NUP107: variants seen among roughly 807,000 people sequenced by gnomAD.
NUP107 encodes the protein nucleoporin 107, also known as nuclear pore complex protein Nup107.
NUP107 carries 101 observed loss-of-function variants against 141.0 expected under a neutral mutation model. That is an observed-to-expected ratio of 0.72 (90% confidence interval 0.61 to 0.84). The LOEUF is 0.84. Ranked by LOEUF, NUP107 falls within the 40% of genes least tolerant of loss-of-function variation. The probability of loss-of-function intolerance (pLI) is 0.00; values close to 1 mark genes in which losing one functional copy is unlikely to be tolerated. For missense variants in NUP107, 941 were observed against 1,102.7 expected (o/e 0.85, Z 2.08); for synonymous variants, 319 against 363.9 (o/e 0.88, Z 1.41).
chr12:68,693,267 A>G (rs1875903799), intron 5 of NUP107, among the ~76,000 whole-genome samples: 1 of 151,386 alleles, frequency 6.6e-6, no homozygotes, highest in East Asian at 2.0e-4. Context: ...TAGTAGAGAG[A>G]GGTTTCACCA....
intron 12 of NUP107, among the ~76,000 whole-genome samples, chr12:68,717,006 T>C (rs1199698398): frequency 1.3e-5 from 2 of 152,030 alleles, no homozygotes; most frequent in African/African-American, 4.8e-5. Context: ...CAAGCAATTC[T>C]CCTGCCTCAG....
rs1876092554 is a variant in NUP107, at chr12:68,696,910, CT to C, written c.541del (p.Cys181ValfsTer5). ...ATCTTGTGGAAGAGTATGAAAACAT[CT>C]GTGGTAGTCAGGTAAGCTAATTTCA... ...FDLVEEYENI[C>X]GSQVNILSKI... is the part of the protein sequence containing the mutation. On this transcript the variant is annotated frameshift_variant, in exon 6 of 28. Transcript: ENST00000229179. LOFTEE classifies it high-confidence loss of function. 6.3e-7 allele frequency: 1 copy of C among 1,591,910 alleles called. No homozygotes were observed. The highest frequency in any genetic ancestry group is 8.6e-7 in the Non-Finnish European group (1 of 1,165,456).
At chr12:68,692,621 G>A (rs1192994179) in intron 5 of NUP107, among the ~76,000 whole-genome samples, 2 of 150,566 alleles carry the variant, frequency 1.3e-5, no homozygotes, top group Non-Finnish European at 3.0e-5. Flanking sequence ...TGTCACCCAG[G>A]CTAAATGCAG....
intron 8 of NUP107, among the ~76,000 whole-genome samples, chr12:68,708,244 T>A (rs1175871023): frequency 6.6e-6 from 1 of 152,112 alleles, no homozygotes; most frequent in Admixed American, 6.5e-5. Context: ...TTTCAGTTAG[T>A]CTAACTTATG....
intron 8 of NUP107, among the ~76,000 whole-genome samples, chr12:68,707,279 T>C (rs1460526829): frequency 6.6e-6 from 1 of 151,214 alleles, no homozygotes; most frequent in African/African-American, 2.4e-5. Flanking sequence ...AAATAAAACC[T>C]CAGCTAGCTC....
chr12:68,704,459 T>C lies in NUP107; in HGVS notation c.729+1675T>C, dbSNP rs764225283. Among the ~76,000 whole-genome samples the C allele has an allele frequency of 2.2e-4, 33 of 148,638 alleles. No homozygotes were observed. The South Asian group carries it at 3.2e-3, about 14-fold the overall frequency. ...ATTTTCTGTTTTTAAAAGTAATTCT[T>C]TTTTTTTTTTAAGAGATAGGGTCTT... On this transcript the variant is annotated intron_variant, in intron 8 of 27. Transcript: ENST00000229179.
intron 13 of NUP107, 46 bp from the exon 14 acceptor site, chr12:68,719,532 A>G: frequency 1.3e-6 from 2 of 1,566,514 alleles, no homozygotes; most frequent in Middle Eastern, 3.4e-4. Flanking sequence ...AAGAATTGTA[A>G]TAAGGTCTTA....
chr12:68,740,143 A>G (rs898532175), intron 26 of NUP107: 14 of 152,248 alleles, frequency 9.2e-5, no homozygotes. Flanking sequence ...CCATCCTGTG[A>G]GATAAGAAAG....
intron 15 of NUP107, among the ~76,000 whole-genome samples, 161 bp from the exon 16 acceptor site, chr12:68,721,680 A>G (rs1272193374): frequency 2.0e-5 from 3 of 152,226 alleles, no homozygotes; most frequent in Non-Finnish European, 4.4e-5. Context: ...TAGAAGATGT[A>G]GTTGGCGGAG....
At chr12:68,708,922 TAA>T (rs764032521) in intron 8 of NUP107, among the ~76,000 whole-genome samples, 1 of 152,094 alleles carries the variant, frequency 6.6e-6, no homozygotes, top group African/African-American at 2.4e-5. Flanking sequence ...CCTGGCCTAT[TAA>T]AGTTTTTTGT....
chr12:68,721,550 C>T (rs977463723), intron 15 of NUP107, among the ~76,000 whole-genome samples: 6 of 152,166 alleles, frequency 3.9e-5, no homozygotes, highest in African/African-American at 1.4e-4. Context: ...CAACCCACTA[C>T]TCCCTACATA....
Position 68,728,909 on chromosome 12 carries a change from C to T in NUP107, c.1734+1520C>T, listed in dbSNP as rs537057526. On this transcript the variant is annotated intron_variant, in intron 20 of 27. Coordinates refer to ENST00000229179, the MANE Select transcript of NUP107 (RefSeq NM_020401.4). ...TGAAATGGACAACCACAGTTACAGA[C>T]CTCAATCTACAGTATATCAAGCAAT... 4.6e-5 allele frequency among the ~76,000 whole-genome samples: 7 copies of T among 152,206 alleles called. No individual in the cohort carries two copies. In the South Asian group the frequency reaches 1.5e-3, roughly 32 times the overall value.
intron 10 of NUP107, 136 bp downstream of exon 10, chr12:68,710,229 A>G (rs1876784889): frequency 1.9e-6 from 1 of 536,720 alleles, no homozygotes. Context: ...TGAGCAAAAC[A>G]AATAAAGGCT....
intron 1 of NUP107, chr12:68,687,310 A>G (rs910142771): frequency 1.8e-5 from 12 of 681,966 alleles, no homozygotes; most frequent in South Asian, 1.1e-4. Flanking sequence ...TCTGCGATCT[A>G]TTCGGCGCTT....
rs752873906 is a variant in NUP107 at position 68,687,036 on chromosome 12, C to G, written c.-30C>G. On this transcript the variant is annotated 5_prime_UTR_variant, in exon 1 of 28. Transcript: ENST00000229179. ...AACGCGGTAGCTAAACTGCAGCCAA[C>G]TTTGGTTGTGTGTGGAAAAGGCTTT... is the stretch of plus-strand genomic sequence containing the variant. The G allele has an allele frequency of 4.3e-6, 7 of 1,613,996 alleles. No individual in the cohort carries two copies. In the South Asian group the frequency reaches 5.5e-5, roughly 13 times the overall value.
intron 20 of NUP107, among the ~76,000 whole-genome samples, chr12:68,730,164 C>T (rs1267061735): frequency 6.9e-6 from 1 of 144,024 alleles, no homozygotes; most frequent in Non-Finnish European, 1.5e-5. Context: ...CTGGGTCTCA[C>T]TATGTTGGCC....
chr12:68,741,146 TGTA>T (rs1878303710), intron 26 of NUP107, among the ~76,000 whole-genome samples: 2 of 152,224 alleles, frequency 1.3e-5, no homozygotes, highest in South Asian at 2.1e-4. Flanking sequence ...TGTAAGTAAA[TGTA>T]GTGGGCATAA....
At chr12:68,734,022 A>G (rs1043165765) in intron 24 of NUP107, among the ~76,000 whole-genome samples, 16 of 152,228 alleles carry the variant, frequency 1.1e-4, no homozygotes, top group African/African-American at 2.9e-4. Context: ...TATAATCCCA[A>G]CACTTCGGGA....
At chr12:68,723,933 T>C (rs542197569) in intron 17 of NUP107, among the ~76,000 whole-genome samples, 59 of 152,322 alleles carry the variant, frequency 3.9e-4, no homozygotes, top group African/African-American at 1.4e-3. Context: ...TTAATGCTTT[T>C]TCTGTCAAGA....
Sources: allele counts gnomAD v4.1 joint callset (sites outside exome capture counted in the v4.1 genomes callset), GRCh38; gene constraint gnomAD v4.1.1; transcripts MANE v1.5; gene names NCBI Gene and HGNC (gene_info 2026-07-23, HGNC 2026-07-21).